Variants in EHMT2 observed in about 807,000 individuals in gnomAD.
EHMT2 encodes the protein histone-lysine N-methyltransferase EHMT2.
EHMT2 carries 59 observed loss-of-function variants against 143.3 expected under a neutral mutation model. The observed-to-expected ratio is 0.41, with a 90% CI of 0.33 to 0.51. EHMT2 has a LOEUF of 0.51. Ranked by LOEUF, EHMT2 falls within the 20% of genes least tolerant of loss-of-function variation. The probability of loss-of-function intolerance (pLI) is 0.18; values close to 1 mark genes in which losing one functional copy is unlikely to be tolerated. For synonymous variants in EHMT2, 604 were observed against 651.5 expected (o/e 0.93, Z 1.11); for missense variants, 1,174 against 1,645.9 (o/e 0.71, Z 4.96).
chr6:31,887,637 G>C (rs1455539374), exon 15 of EHMT2: 1 of 1,612,902 alleles, frequency 6.2e-7, no homozygotes, highest in African/African-American at 1.3e-5. Flanking sequence ...AACTGCCGAG[G>C]GTGGAAACGG....
chr6:31,884,956 G>C lies in EHMT2; in HGVS notation c.2404C>G (p.Arg802Gly), dbSNP rs775876838. ...TCGGCGCCCCGCGTCAGTAGCATGC[G>C]GATCACCTCGATGTGCTTGTGCTCT... is the stretch of plus-strand genomic sequence containing the variant. Residue 802 changes from arginine to glycine, a missense_variant, in exon 19 of 28, where the codon CGC becomes GGC. Arg to Gly is a moderately radical substitution (Grantham distance 125). Transcript: ENST00000375537. This position sits in a 1 kb window ranked among gnomAD's most constrained non-coding sequence, Gnocchi z 7.3. 9 of 1,610,788 alleles carry C rather than the reference G, an allele frequency of 5.6e-6. No homozygotes were observed. Among genetic ancestry groups the C allele is most frequent in the Non-Finnish European group, 7.6e-6 (9 of 1,177,808 alleles).
In EHMT2 at chr6:31,882,612, G is replaced by A. The variant is rs1764256701; in HGVS notation, c.3197+87C>T. On this transcript the variant is annotated intron_variant, in intron 25 of 27. Coordinates refer to ENST00000375537, the Ensembl canonical transcript of EHMT2. The stretch of plus-strand genomic sequence containing the variant: ...CAGATGGAGACATGTGACTCATCAG[G>A]GCAGATGGCTGAGAGGGAGGCCTGG... The A allele has an allele frequency of 1.5e-5, 19 of 1,301,082 alleles. 1 individual carries two copies. In the South Asian group the frequency reaches 2.4e-4, roughly 17 times the overall value. 80.6% of individuals were successfully genotyped at this position (1,301,082 alleles called of 1,614,324 possible). A position where few individuals can be genotyped will look rare whatever the true frequency, so the allele number is the denominator to read the frequency against.
exon 2 of EHMT2, chr6:31,896,964 G>A (rs137935535): frequency 1.9e-6 from 3 of 1,586,894 alleles, no homozygotes; most frequent in African/African-American, 2.7e-5. Flanking sequence ...CAGCAGCAGC[G>A]CCCCCATCTC....
intron 4 of EHMT2, chr6:31,893,465 A>G (rs1765966615): frequency 5.1e-6 from 2 of 390,616 alleles, no homozygotes; most frequent in Admixed American, 3.2e-5. Flanking sequence ...TTACAGGCAC[A>G]TGTCACAATG....
chr6:31,891,897 T>C (rs1765737334), intron 7 of EHMT2, among the ~76,000 whole-genome samples: 1 of 151,972 alleles, frequency 6.6e-6, no homozygotes, highest in South Asian at 2.1e-4. Flanking sequence ...CTAAATCCCA[T>C]GTGCAGGGTG....
chr6:31,892,473 C>T, exon 7 of EHMT2: 5 of 1,612,998 alleles, frequency 3.1e-6, no homozygotes, highest in Non-Finnish European at 4.2e-6. Context: ...AGTCATCACC[C>T]ACCACCGTCT....
At chr6:31,894,671 T>A (rs1256830469) in intron 4 of EHMT2, among the ~76,000 whole-genome samples, 1 of 152,200 alleles carries the variant, frequency 6.6e-6, no homozygotes, top group East Asian at 1.9e-4. Flanking sequence ...TTGTTAGAAT[T>A]GTGCTATTTT....
intron 7 of EHMT2, among the ~76,000 whole-genome samples, chr6:31,891,078 A>T (rs1392724808): frequency 6.6e-6 from 1 of 151,516 alleles, no homozygotes; most frequent in African/African-American, 2.4e-5. Flanking sequence ...GAGTAGCTGG[A>T]ATTACAGGCA....
At chr6:31,885,211 C>T in intron 18 of EHMT2, 195 bp from the exon 19 acceptor site, 1 of 651,280 alleles carries the variant, frequency 1.5e-6, no homozygotes, top group Non-Finnish European at 2.4e-6. Flanking sequence ...GGCGCGGTGG[C>T]TCATGCCTGT....
In EHMT2 at chr6:31,889,575, G is replaced by C. The variant is rs115631257; in HGVS notation, c.892C>G (p.Leu298Val). Residue 298 changes from leucine (L) to valine (V), a missense_variant, in exon 8 of 28, where the codon CTA becomes GTA. Physicochemically the swap from Leu to Val is conservative, Grantham distance 32 (BLOSUM62 1). Transcript: ENST00000375537. The surrounding 1 kb of genome is among the most constrained non-coding windows in gnomAD (Gnocchi z 5.1). ...TCTTCCTCCTCCTCCTCTTCACTTA[G>C]TTGTTCAGTTAGAGCTTCAACTTCA... 283 of 1,610,730 alleles carry C rather than the reference G, an allele frequency of 1.8e-4. 1 individual carries two copies. In the African/African-American group the frequency reaches 3.5e-3, roughly 20 times the overall value.
Position 31,883,236 on chromosome 6 carries a change from G to T in EHMT2, c.2994+126C>A. ...TCCCAGGATTCCCAGGCCTTGCCCA[G>T]TCCTCTCAGTCACTTCCCCCACAGG... is the stretch of plus-strand genomic sequence containing the variant. On this transcript the variant is annotated intron_variant, in intron 23 of 27. Transcript: ENST00000375537. This position sits in a 1 kb window ranked among gnomAD's most constrained non-coding sequence, Gnocchi z 5.6. The T allele has an allele frequency of 9.4e-7, 1 of 1,068,626 alleles. No individual in the cohort carries two copies. Among genetic ancestry groups the T allele is most frequent in the South Asian group, 1.5e-5 (1 of 68,360 alleles). 66.2% of individuals were successfully genotyped at this position (1,068,626 alleles called of 1,614,324 possible). A position where few individuals can be genotyped will look rare whatever the true frequency, so the allele number is the denominator to read the frequency against.
chr6:31,896,557 C>T, intron 3 of EHMT2, 41 bp from the exon 4 acceptor site: 1 of 1,603,680 alleles, frequency 6.2e-7, no homozygotes, highest in South Asian at 1.1e-5. Context: ...AGAAAGAAGG[C>T]AAGAGTCAGA....
chr6:31,880,607 T>C lies in EHMT2; in HGVS notation c.3452+66A>G. 1.3e-6 allele frequency: 2 copies of C among 1,550,242 alleles called. No homozygotes were observed. The highest frequency in any genetic ancestry group is 1.8e-6 in the Non-Finnish European group (2 of 1,131,086). On this transcript the variant is annotated intron_variant, in intron 27 of 27. Coordinates refer to ENST00000375537, the Ensembl canonical transcript of EHMT2. This position sits in a 1 kb window ranked among gnomAD's most constrained non-coding sequence, Gnocchi z 6.6. ...CTGGACACCAGGTACATGCCAGCCT[T>C]CAGGTCCCAGGTTTGCTGCATCTCC...
chr6:31,892,562 A>G, exon 7 of EHMT2: 2 of 1,612,778 alleles, frequency 1.2e-6, no homozygotes, highest in Non-Finnish European at 8.5e-7. Context: ...AACTCCTCTG[A>G]CTAGAAAAAG....
At chr6:31,882,614 C>T (rs1764257094) in intron 25 of EHMT2, 85 bp downstream of exon 25, 2 of 1,315,742 alleles carry the variant, frequency 1.5e-6, no homozygotes, top group Non-Finnish European at 1.1e-6. Context: ...CTCATCAGGG[C>T]AGATGGCTGA....
chr6:31,892,010 G>T lies in EHMT2; in HGVS notation c.864+397C>A, dbSNP rs561264779. On this transcript the variant is annotated intron_variant, in intron 7 of 27. Coordinates refer to ENST00000375537, the Ensembl canonical transcript of EHMT2. ...TAATCCCAGCACTTTGGGAGGCCAA[G>T]GTGGGTGGATCAACTAAGGTCAGGA... 2.6e-5 allele frequency among the ~76,000 whole-genome samples: 4 copies of T among 152,290 alleles called. No individual in the cohort carries two copies. In the East Asian group the frequency reaches 7.7e-4, roughly 29 times the overall value.
chr6:31,895,909 G>A (rs1006792340), intron 4 of EHMT2: 8 of 223,178 alleles, frequency 3.6e-5, no homozygotes, highest in Admixed American at 1.1e-4. Context: ...GGATTCCCAG[G>A]AAAAACTTTA....
intron 4 of EHMT2, chr6:31,895,771 C>T (rs1361933452): frequency 1.3e-5 from 2 of 155,926 alleles, no homozygotes; most frequent in Non-Finnish European, 2.8e-5. Context: ...TTAAGTTTGC[C>T]TCAGTTTTTT....
intron 4 of EHMT2, among the ~76,000 whole-genome samples, chr6:31,893,863 A>G (rs1428748581): frequency 4.6e-5 from 7 of 152,334 alleles, no homozygotes; most frequent in Non-Finnish European, 8.8e-5. Context: ...ATGGAGAGTT[A>G]TGTTTTAATG....
Sources: allele counts gnomAD v4.1 joint callset (sites outside exome capture counted in the v4.1 genomes callset), GRCh38; gene constraint gnomAD v4.1.1; non-coding constraint Gnocchi (gnomAD v3.1); transcripts MANE v1.5; gene names NCBI Gene and HGNC (gene_info 2026-07-23, HGNC 2026-07-21).